The following PDE10A variants were observed in gnomAD, a reference collection of about 807,000 sequenced individuals.
The protein encoded by PDE10A is cAMP and cAMP-inhibited cGMP 3',5'-cyclic phosphodiesterase 10A.
In PDE10A, 39 loss-of-function variants were observed where a neutral mutation model predicts 97.7. That is an observed-to-expected ratio of 0.40 (90% CI 0.31 to 0.52). The LOEUF (loss-of-function observed/expected upper bound fraction) is 0.52. PDE10A is among the 20% of genes least tolerant of loss of function. The probability of loss-of-function intolerance (pLI) is 0.56; values close to 1 mark genes in which losing one functional copy is unlikely to be tolerated. For synonymous variants in PDE10A, 371 were observed against 376.8 expected, an observed-to-expected ratio of 0.98 and a Z score of 0.18; for missense variants, 731 against 1,047.8, an observed-to-expected ratio of 0.70 and a Z score of 4.17.
intron 2 of PDE10A, among the ~76,000 whole-genome samples, chr6:165,512,655 T>C (rs1216068803): frequency 6.6e-6 from 1 of 152,070 alleles, no homozygotes; most frequent in African/African-American, 2.4e-5. Flanking sequence ...TGAAGATTCA[T>C]ACACATTTCT....
intron 1 of PDE10A, among the ~76,000 whole-genome samples, chr6:165,930,039 T>A (rs1783080042): frequency 6.9e-6 from 1 of 145,152 alleles, no homozygotes; most frequent in Non-Finnish European, 1.5e-5. Flanking sequence ...ACTCCAGAAA[T>A]GAGGGTGGCA....
intron 1 of PDE10A, among the ~76,000 whole-genome samples, chr6:165,544,317 A>C (rs1448049872): frequency 6.6e-6 from 1 of 152,202 alleles, no homozygotes; most frequent in Non-Finnish European, 1.5e-5. Context: ...GTTTCACTGA[A>C]ATACTTTTCA....
chr6:165,422,607 A>G (rs769401084), intron 10 of PDE10A, among the ~76,000 whole-genome samples: 1 of 152,344 alleles, frequency 6.6e-6, no homozygotes, highest in South Asian at 2.1e-4. Flanking sequence ...AAATGTATTT[A>G]CCAAGTCAAA....
At chr6:165,687,409 A>G (rs1320241845) in intron 1 of PDE10A, among the ~76,000 whole-genome samples, 1 of 152,262 alleles carries the variant, frequency 6.6e-6, no homozygotes, top group Non-Finnish European at 1.5e-5. Context: ...AGAACTGCAG[A>G]GTCGCAACAT....
chr6:165,576,552 A>C (rs1785316209), intron 1 of PDE10A: 1 of 705,782 alleles, frequency 1.4e-6, no homozygotes, highest in African/African-American at 1.8e-5. Context: ...AAACAAAAAC[A>C]AAACAAAAAA....
chr6:165,416,328 G>A lies in PDE10A; in HGVS notation c.1797-47C>T, dbSNP rs368656133. 18 of 1,164,116 alleles carry A rather than the reference G, an allele frequency of 1.5e-5. No homozygotes were observed. The African/African-American group carries it at 2.3e-4, about 15-fold the overall frequency. The allele number at this position is 1,164,116 out of a possible 1,614,324, so 72.1% of individuals were successfully genotyped here. A position where few individuals can be genotyped will look rare whatever the true frequency, so the allele number is the denominator to read the frequency against. ...ACATGCTAATTAAAATATGGACTCT[G>A]TAGAATAATTCAAAAATATTCCATT... On this transcript the variant is annotated intron_variant, in intron 11 of 21. Transcript: ENST00000539869.
chr6:165,905,268 T>C (rs1174983930), intron 1 of PDE10A, among the ~76,000 whole-genome samples: 4 of 152,198 alleles, frequency 2.6e-5, no homozygotes, highest in African/African-American at 9.6e-5. Context: ...TTTTGTATCA[T>C]AAATAAATGA....
intron 1 of PDE10A, among the ~76,000 whole-genome samples, chr6:165,935,582 G>A (rs181201216): frequency 1.1e-4 from 17 of 152,350 alleles, no homozygotes; most frequent in African/African-American, 3.8e-4. Context: ...AGCAGGAATG[G>A]AGGAGAGTGG....
intron 1 of PDE10A, among the ~76,000 whole-genome samples, chr6:165,684,500 G>A (rs1203596927): frequency 6.6e-6 from 1 of 152,198 alleles, no homozygotes; most frequent in African/African-American, 2.4e-5. Flanking sequence ...CTATGGTCGC[G>A]GCTGCCATCA....
intron 1 of PDE10A, among the ~76,000 whole-genome samples, chr6:165,677,964 C>T (rs1562679308): frequency 6.6e-6 from 1 of 150,812 alleles, no homozygotes; most frequent in African/African-American, 2.4e-5. Context: ...GTTTGTATAT[C>T]TATGTGTTTT....
chr6:165,673,780 G>A (rs1168310129), intron 1 of PDE10A, among the ~76,000 whole-genome samples: 3 of 152,120 alleles, frequency 2.0e-5, no homozygotes, highest in East Asian at 3.8e-4. Context: ...GGATTCCATA[G>A]GTTTTAAAAT....
At chr6:165,666,988 C>G (rs1790513739), upstream of PDE10A, among the ~76,000 whole-genome samples, 1 of 152,152 alleles carries the variant, frequency 6.6e-6, no homozygotes, top group African/African-American at 2.4e-5. Flanking sequence ...ATTTCCATTA[C>G]TATTGATGTT....
intron 1 of PDE10A, chr6:165,754,509 A>G (rs1372674808): frequency 6.6e-6 from 1 of 152,232 alleles, no homozygotes; most frequent in Non-Finnish European, 1.5e-5. Context: ...TTTGAAAAAA[A>G]TAGATTTACA....
chr6:165,934,459 A>G (rs1284766672), intron 1 of PDE10A, among the ~76,000 whole-genome samples: 3 of 152,028 alleles, frequency 2.0e-5, no homozygotes, highest in Admixed American at 6.6e-5. Context: ...CACCACCACC[A>G]ATTTTCAAAC....
chr6:165,534,339 G>A (rs981832580), intron 2 of PDE10A, among the ~76,000 whole-genome samples: 6 of 146,952 alleles, frequency 4.1e-5, no homozygotes, highest in African/African-American at 1.5e-4. Flanking sequence ...TCCAGGACCT[G>A]ACAGTTTCAT....
At chr6:165,656,093 C>T (rs964522808) in intron 1 of PDE10A, among the ~76,000 whole-genome samples, 1 of 151,926 alleles carries the variant, frequency 6.6e-6, no homozygotes, top group African/African-American at 2.4e-5. Context: ...TTGTCTGCAC[C>T]ACCAGAGTGT....
chr6:165,824,442 C>T (rs1222744804), intron 1 of PDE10A, among the ~76,000 whole-genome samples: 1 of 152,202 alleles, frequency 6.6e-6, no homozygotes, highest in Non-Finnish European at 1.5e-5. Context: ...TGCTATGTAA[C>T]TCATACACTA....
chr6:165,573,063 T>C (rs1397304553), intron 1 of PDE10A, among the ~76,000 whole-genome samples: 1 of 152,198 alleles, frequency 6.6e-6, no homozygotes, highest in African/African-American at 2.4e-5. Context: ...TGCTAGGCTA[T>C]TTAGATTTTC....
chr6:165,835,076 A>C (rs1040250610), intron 1 of PDE10A, among the ~76,000 whole-genome samples: 2 of 152,166 alleles, frequency 1.3e-5, no homozygotes, highest in African/African-American at 4.8e-5. Flanking sequence ...GAGGCAGTGC[A>C]CAGAGGGCAG....
Sources: allele counts gnomAD v4.1 joint callset (sites outside exome capture counted in the v4.1 genomes callset), GRCh38; gene constraint gnomAD v4.1.1; transcripts MANE v1.5; gene names NCBI Gene and HGNC (gene_info 2026-07-23, HGNC 2026-07-21).